The following SCEL variants were observed in gnomAD, a reference collection of about 807,000 sequenced individuals.
The protein encoded by SCEL is sciellin.
SCEL carries 113 observed loss-of-function variants against 117.6 expected under a neutral mutation model. The observed-to-expected ratio is 0.96, with a 90% confidence interval of 0.83 to 1.12. The LOEUF is 1.12. Ranked by LOEUF, SCEL falls within the 50% of genes most tolerant of loss-of-function variation. The pLI, the probability that SCEL is intolerant of heterozygous loss-of-function variation, is 0.00. For missense variants in SCEL, 785 were observed against 810.8 expected (o/e 0.97, Z 0.39); for synonymous variants, 270 against 256.2 (o/e 1.05, Z -0.51).
At chr13:77,602,627 T>C (rs374269360) in intron 16 of SCEL, 27 bp from the exon 17 acceptor site, 10 of 1,599,600 alleles carry the variant, frequency 6.3e-6, no homozygotes, top group Middle Eastern at 1.7e-4. Context: ...GTAACCTAAC[T>C]GACAAGTTTT....
At position 77,609,112 on chromosome 13, in the gene SCEL, T is replaced by C. The variant is rs907483095; in HGVS notation, c.1272T>C (p.Thr424=). The change falls in exon 21 of 33, where the codon ACT becomes ACC. Residue 424 remains threonine (T), a synonymous_variant. Coordinates refer to ENST00000349847, the MANE Select transcript of SCEL (RefSeq NM_144777.3). ...TGTATCCAGGAACAGAAAAAAGTAC[T>C]GAAGGGTAAGATTTAATAAGCTCCC... ...IKVYPGTEKS[T]EGGQSLDSLI... is the part of the protein sequence containing the mutation. 6.3e-7 allele frequency: 1 copy of C among 1,597,478 alleles called. No individual in the cohort carries two copies. The highest frequency in any genetic ancestry group is 1.2e-5 in the South Asian group (1 of 86,844).
chr13:77,594,211 C>A (rs191512920), intron 12 of SCEL, among the ~76,000 whole-genome samples: 2 of 152,302 alleles, frequency 1.3e-5, no homozygotes, highest in East Asian at 1.9e-4. Context: ...CATAATTTTT[C>A]CAAAGATTCT....
chr13:77,624,578 G>C (rs2154404687), intron 27 of SCEL, among the ~76,000 whole-genome samples: 1 of 152,162 alleles, frequency 6.6e-6, no homozygotes, highest in Middle Eastern at 3.4e-3. Context: ...ATGAATTTGG[G>C]GGAGTACATA....
At chr13:77,601,730 T>C (rs1290186398) in intron 15 of SCEL, among the ~76,000 whole-genome samples, 1 of 152,194 alleles carries the variant, frequency 6.6e-6, no homozygotes, top group Non-Finnish European at 1.5e-5. Flanking sequence ...CATGCTTAAA[T>C]AAGACAGTAT....
chr13:77,622,250 G>A (rs1234406813), intron 27 of SCEL, among the ~76,000 whole-genome samples: 1 of 152,086 alleles, frequency 6.6e-6, no homozygotes, highest in Non-Finnish European at 1.5e-5. Flanking sequence ...TGAACTGTAT[G>A]GTGAGAAACA....
chr13:77,571,027 T>G (rs539852716), intron 8 of SCEL, among the ~76,000 whole-genome samples: 1 of 151,474 alleles, frequency 6.6e-6, no homozygotes, highest in Non-Finnish European at 1.5e-5. Context: ...AGATGGGGTT[T>G]CACCATTTTT....
intron 10 of SCEL, among the ~76,000 whole-genome samples, chr13:77,589,979 TA>T (rs1271912188): frequency 2.0e-5 from 3 of 152,154 alleles, no homozygotes; most frequent in East Asian, 1.9e-4. Flanking sequence ...ATTGTGAGAT[TA>T]AAAAATAGTA....
intron 9 of SCEL, among the ~76,000 whole-genome samples, chr13:77,573,522 G>A (rs1035010915): frequency 1.3e-5 from 2 of 152,154 alleles, no homozygotes; most frequent in East Asian, 1.9e-4. Flanking sequence ...TAATGGATAT[G>A]TTTAGAAATA....
intron 20 of SCEL, among the ~76,000 whole-genome samples, chr13:77,608,716 C>G (rs1292481308): frequency 6.6e-6 from 1 of 152,048 alleles, no homozygotes; most frequent in Non-Finnish European, 1.5e-5. Context: ...ATTAACAAAA[C>G]AGTTTAGTTA....
intron 5 of SCEL, among the ~76,000 whole-genome samples, chr13:77,567,427 C>G (rs900487947): frequency 1.3e-5 from 2 of 152,192 alleles, no homozygotes; most frequent in Non-Finnish European, 2.9e-5. Context: ...GCACTCCCGC[C>G]TGGGCAACAG....
At position 77,556,718 on chromosome 13, in the gene SCEL, G is replaced by A. The variant is rs1311142543; in HGVS notation, c.161+5G>A. ...GAAACGCCCTGAAGAAGAAAAGTAAGCTGGTGTGGAGCGTGGTGGGTGGAC... is the reference window on the plus strand; with the variant it reads ...GAAACGCCCTGAAGAAGAAAAGTAAACTGGTGTGGAGCGTGGTGGGTGGAC... On this transcript the variant is annotated splice_donor_5th_base_variant and intron_variant, in intron 3 of 32. Coordinates refer to ENST00000349847, the MANE Select transcript of SCEL (RefSeq NM_144777.3). 1 of 1,599,114 alleles carries A rather than the reference G, an allele frequency of 6.3e-7. No homozygotes were observed. The highest frequency in any genetic ancestry group is 8.6e-7 in the Non-Finnish European group (1 of 1,166,508).
chr13:77,574,155 G>T (rs1475821225), intron 9 of SCEL, among the ~76,000 whole-genome samples: 1 of 152,110 alleles, frequency 6.6e-6, no homozygotes, highest in African/African-American at 2.4e-5. Flanking sequence ...AAAAGCAACT[G>T]GTTATATAAC....
intron 13 of SCEL, among the ~76,000 whole-genome samples, chr13:77,598,985 A>C (rs2154401174): frequency 6.6e-6 from 1 of 152,250 alleles, no homozygotes; most frequent in South Asian, 2.1e-4. Flanking sequence ...CCTAGCCTGA[A>C]AATTCAGGTT....
chr13:77,587,912 T>C (rs1221105333), intron 9 of SCEL, among the ~76,000 whole-genome samples: 1 of 152,154 alleles, frequency 6.6e-6, no homozygotes, highest in Non-Finnish European at 1.5e-5. Context: ...TAATGATGGC[T>C]GTATTTATAT....
intron 27 of SCEL, among the ~76,000 whole-genome samples, chr13:77,619,707 C>T (rs2089304914): frequency 1.3e-5 from 2 of 152,110 alleles, no homozygotes; most frequent in African/African-American, 2.4e-5. Flanking sequence ...TTAAGTAGAG[C>T]CCTTTCTTTA....
intron 3 of SCEL, among the ~76,000 whole-genome samples, chr13:77,559,098 G>A (rs1306747424): frequency 6.6e-6 from 1 of 152,108 alleles, no homozygotes; most frequent in African/African-American, 2.4e-5. Flanking sequence ...CAATGATTTG[G>A]AATGAAAATA....
At chr13:77,558,832 A>G (rs1417041221) in intron 3 of SCEL, among the ~76,000 whole-genome samples, 1 of 151,542 alleles carries the variant, frequency 6.6e-6, no homozygotes, top group South Asian at 2.1e-4. Context: ...AAAAAAAAAA[A>G]AAAAAAAAGG....
At chr13:77,565,769 G>A (rs2085253110) in intron 5 of SCEL, among the ~76,000 whole-genome samples, 1 of 151,926 alleles carries the variant, frequency 6.6e-6, no homozygotes, top group Non-Finnish European at 1.5e-5. Flanking sequence ...TGTAAAATGT[G>A]AGGTGTGCAA....
At chr13:77,624,869 C>T (rs2089647732) in intron 27 of SCEL, among the ~76,000 whole-genome samples, 2 of 152,086 alleles carry the variant, frequency 1.3e-5, no homozygotes, top group Non-Finnish European at 2.9e-5. Flanking sequence ...TATCTTTTCT[C>T]AGAGCTGGAT....
Sources: gnomAD v4.1 joint callset for allele counts (sites outside exome capture counted in the v4.1 genomes callset) on GRCh38, gnomAD v4.1.1 for gene constraint, MANE v1.5 for transcripts, NCBI Gene and HGNC (gene_info 2026-07-23, HGNC 2026-07-21) for gene names.